FAM184A: variants seen among roughly 807,000 people sequenced by gnomAD.
FAM184A encodes the protein family with sequence similarity 184 member A, also known as protein FAM184A.
FAM184A carries 99 observed loss-of-function variants against 143.8 expected under a neutral mutation model. That is an observed-to-expected ratio of 0.69 (90% CI 0.58 to 0.81). The LOEUF is 0.81. Among genes scored for constraint, FAM184A ranks in the 40% least tolerant of loss-of-function variants. The probability of loss-of-function intolerance (pLI) is 0.00; values close to 1 mark genes in which losing one functional copy is unlikely to be tolerated. For missense variants in FAM184A, 1,217 were observed against 1,310.5 expected (o/e 0.93, Z 1.10); for synonymous variants, 427 against 446.4 (o/e 0.96, Z 0.55).
Position 118,993,668 on chromosome 6 carries a change from C to A in FAM184A, c.2088+9231G>T, listed in dbSNP as rs151328001. Among the ~76,000 whole-genome samples the A allele has an allele frequency of 7.5e-3, 1,137 of 152,206 alleles. 6 individuals carry two copies. Among genetic ancestry groups the A allele is most frequent in the South Asian group, 0.024 (116 of 4,824 alleles). On this transcript the variant is annotated intron_variant, in intron 9 of 17. Transcript: ENST00000338891. Reference sequence around the variant, plus strand: ...TTGCTACTCTCTAAATTAATTCTCTCCTAATAATAGCAGAAAGAGAAAATT... The same window carrying A: ...TTGCTACTCTCTAAATTAATTCTCTACTAATAATAGCAGAAAGAGAAAATT...
At chr6:119,029,393 T>C (rs571948119) in intron 1 of FAM184A, among the ~76,000 whole-genome samples, 24 of 152,354 alleles carry the variant, frequency 1.6e-4, no homozygotes, top group Non-Finnish European at 2.8e-4. Context: ...CTCGAAGCTT[T>C]GATGAATCAG....
At chr6:118,976,124 A>G (rs896521715) in intron 11 of FAM184A, 80 bp from the exon 12 acceptor site, 2 of 1,373,580 alleles carry the variant, frequency 1.5e-6, no homozygotes, top group African/African-American at 3.0e-5. Context: ...TAGAAGTAAA[A>G]AATTATTTCA....
At chr6:119,118,673 T>A (rs1233768503) in intron 1 of FAM184A, among the ~76,000 whole-genome samples, 1 of 152,194 alleles carries the variant, frequency 6.6e-6, no homozygotes, top group Non-Finnish European at 1.5e-5. Context: ...ATGCCTATCT[T>A]TACTTTAATC....
In FAM184A at chr6:119,121,799, C is replaced by A. The variant is rs556291867; in HGVS notation, c.-202+27279G>T. On this transcript the variant is annotated intron_variant, in intron 1 of 16. Coordinates refer to the FAM184A transcript ENST00000352896. ...TCTTAAAAAGGCATGAAGATCTGAACTGTCAGTTAAAAAGAACAGTATTGA... is the reference window on the plus strand; with the variant it reads ...TCTTAAAAAGGCATGAAGATCTGAAATGTCAGTTAAAAAGAACAGTATTGA... Among the ~76,000 whole-genome samples, 56 of 152,286 alleles carry A rather than the reference C, an allele frequency of 3.7e-4. No homozygotes were observed. The South Asian group carries it at 0.011, about 30-fold the overall frequency.
At chr6:119,113,215 T>C (rs1298338599) in intron 1 of FAM184A, among the ~76,000 whole-genome samples, 2 of 152,074 alleles carry the variant, frequency 1.3e-5, no homozygotes, top group Admixed American at 1.3e-4. Flanking sequence ...AAAAAAATGC[T>C]CTCATTATGT....
At chr6:118,974,609 TC>T (rs1345251073) in intron 13 of FAM184A, 35 bp from the exon 14 acceptor site, 4 of 1,543,518 alleles carry the variant, frequency 2.6e-6, no homozygotes, top group Non-Finnish European at 3.5e-6. Flanking sequence ...AAAATGTTAT[TC>T]TGAAGTCAAG....
intron 5 of FAM184A, among the ~76,000 whole-genome samples, chr6:119,014,246 G>C (rs1371535854): frequency 6.6e-6 from 1 of 152,236 alleles, no homozygotes; most frequent in Non-Finnish European, 1.5e-5. Context: ...TCATGTGCTA[G>C]AACATGGCTT....
At chr6:119,081,444 T>A (rs536224727), upstream of FAM184A, among the ~76,000 whole-genome samples, 22 of 152,250 alleles carry the variant, frequency 1.4e-4, no homozygotes, top group African/African-American at 5.3e-4. Flanking sequence ...AAGCAGTGTC[T>A]AGGGGTGAAT....
At chr6:118,984,661 G>A (rs949349329) in intron 9 of FAM184A, among the ~76,000 whole-genome samples, 2 of 152,052 alleles carry the variant, frequency 1.3e-5, no homozygotes, top group East Asian at 1.9e-4. Context: ...ATGCAATATC[G>A]GTGTTTTTTC....
chr6:119,118,366 T>C (rs745445368), intron 1 of FAM184A, among the ~76,000 whole-genome samples: 3 of 152,206 alleles, frequency 2.0e-5, no homozygotes, highest in Non-Finnish European at 4.4e-5. Context: ...ACTTAGCTCA[T>C]ATTAAACACT....
At position 118,966,212 on chromosome 6, in the gene FAM184A, T is replaced by C. The variant is rs149650459; in HGVS notation, c.3033+623A>G. ...CAAAGTCTTCAGCTGAAGATATGAA[T>C]GGTTAAAGAGTATATTCATTGTTAA... On this transcript the variant is annotated intron_variant, in intron 15 of 17. Coordinates refer to ENST00000338891, the MANE Select transcript of FAM184A (RefSeq NM_024581.6). Among the ~76,000 whole-genome samples the C allele has an allele frequency of 2.6e-5, 4 of 152,346 alleles. No homozygotes were observed. The East Asian group carries it at 7.7e-4, about 29-fold the overall frequency.
At chr6:119,089,017 A>G (rs1033646843) in intron 1 of FAM184A, among the ~76,000 whole-genome samples, 3 of 151,172 alleles carry the variant, frequency 2.0e-5, no homozygotes, top group Non-Finnish European at 4.4e-5. Context: ...TATTTCTTAT[A>G]TCTCTCTCAT....
intron 1 of FAM184A, among the ~76,000 whole-genome samples, chr6:119,122,253 T>C (rs1337164172): frequency 1.3e-5 from 2 of 152,192 alleles, no homozygotes; most frequent in Admixed American, 1.3e-4. Context: ...CTGAAGGGAA[T>C]GTCTTGCATT....
At chr6:118,973,746 A>G (rs1783764714) in intron 14 of FAM184A, among the ~76,000 whole-genome samples, 2 of 152,182 alleles carry the variant, frequency 1.3e-5, no homozygotes, top group African/African-American at 4.8e-5. Context: ...AGCATCTAGG[A>G]AAGGAAGGGT....
At chr6:118,984,796 G>A (rs965703312) in intron 9 of FAM184A, among the ~76,000 whole-genome samples, 3 of 152,200 alleles carry the variant, frequency 2.0e-5, no homozygotes, top group Non-Finnish European at 4.4e-5. Flanking sequence ...ACCTGGCTGT[G>A]TATCAGAATC....
intron 17 of FAM184A, 134 bp downstream of exon 17, chr6:118,961,627 A>T (rs1257339438): frequency 3.3e-5 from 26 of 792,316 alleles, no homozygotes; most frequent in Non-Finnish European, 5.0e-5. Flanking sequence ...AGAGGGGATA[A>T]ATATACTTTG....
intron 9 of FAM184A, among the ~76,000 whole-genome samples, chr6:118,989,572 A>AGTT (rs1422838512): frequency 6.6e-6 from 1 of 151,950 alleles, no homozygotes; most frequent in Non-Finnish European, 1.5e-5. Context: ...ATCCAATGAT[A>AGTT]TAACTTATTA....
rs968127395 is a variant in FAM184A at position 118,959,968 on chromosome 6, G to A, written c.*135C>T. On this transcript the variant is annotated 3_prime_UTR_variant, in exon 18 of 18. Transcript: ENST00000338891. ...TCCAATAAATATCACAGGAAATACA[G>A]TGCATTTTCAAGTTGGAGAGACAAA... is the stretch of plus-strand genomic sequence containing the variant. 2 of 580,394 alleles carry A rather than the reference G, an allele frequency of 3.4e-6. No individual in the cohort carries two copies. Among genetic ancestry groups the A allele is most frequent in the Non-Finnish European group, 6.0e-6 (2 of 335,228 alleles). 36.0% of individuals were successfully genotyped at this position (580,394 alleles called of 1,614,324 possible).
chr6:119,146,002 A>G (rs1772413247), intron 1 of FAM184A, among the ~76,000 whole-genome samples: 1 of 152,170 alleles, frequency 6.6e-6, no homozygotes, highest in Non-Finnish European at 1.5e-5. Context: ...TTGCACAGGT[A>G]TTTCCCCAAA....
Sources: allele counts gnomAD v4.1 joint callset (sites outside exome capture counted in the v4.1 genomes callset), GRCh38; gene constraint gnomAD v4.1.1; transcripts MANE v1.5; gene names NCBI Gene and HGNC (gene_info 2026-07-23, HGNC 2026-07-21).